The following ADCY2 variants were observed in gnomAD, a reference collection of about 807,000 sequenced individuals.
ADCY2 encodes the protein adenylate cyclase type 2.
A neutral mutation model predicts 125.2 loss-of-function variants in ADCY2; 31 were observed. The ratio of observed to expected loss-of-function variants is 0.25; its 90% CI spans 0.19 to 0.33. The LOEUF (loss-of-function observed/expected upper bound fraction) is 0.33. ADCY2 is among the 10% of genes least tolerant of loss of function. The pLI is 1.00. For missense variants in ADCY2, 904 were observed against 1,418.2 expected (o/e 0.64, Z 5.82); for synonymous variants, 512 against 548.4 (o/e 0.93, Z 0.93).
chr5:7,413,966 T>A (rs1006476824), intron 1 of ADCY2, among the ~76,000 whole-genome samples: 1 of 152,228 alleles, frequency 6.6e-6, no homozygotes, highest in South Asian at 2.1e-4. Flanking sequence ...GTTATTTTAT[T>A]TTCTCCATCT....
In ADCY2 at chr5:7,820,808, A is replaced by G. The variant is rs1306426589; in HGVS notation, c.3123+119A>G. On this transcript the variant is annotated intron_variant, in intron 24 of 24. Transcript: ENST00000338316. ...ACAAAGGAAAAAAGTAAACCTTGAA[A>G]TTTACTTATCTTTTGGAGAACAATT... The G allele has an allele frequency of 3.1e-6, 4 of 1,275,902 alleles. No homozygotes were observed. In the Admixed American group the frequency reaches 9.1e-5, roughly 29 times the overall value. 79.0% of individuals were successfully genotyped at this position (1,275,902 alleles called of 1,614,324 possible).
chr5:7,754,385 T>C (rs1742920560), intron 15 of ADCY2, among the ~76,000 whole-genome samples: 2 of 152,222 alleles, frequency 1.3e-5, no homozygotes, highest in African/African-American at 4.8e-5. Flanking sequence ...TAGCTAGATG[T>C]ACATTTTCCC....
chr5:7,774,398 A>G (rs1743651590), intron 18 of ADCY2, among the ~76,000 whole-genome samples: 2 of 152,358 alleles, frequency 1.3e-5, no homozygotes, highest in South Asian at 4.1e-4. Context: ...CTATTGCTCT[A>G]CTATATCCAG....
At chr5:7,562,158 G>A (rs1397986868) in intron 3 of ADCY2, among the ~76,000 whole-genome samples, 1 of 151,892 alleles carries the variant, frequency 6.6e-6, no homozygotes, top group East Asian at 1.9e-4. Context: ...AATATTTGGC[G>A]CTTCTAACAA....
At chr5:7,474,909 C>T (rs943674374) in intron 2 of ADCY2, among the ~76,000 whole-genome samples, 2 of 152,248 alleles carry the variant, frequency 1.3e-5, no homozygotes, top group African/African-American at 4.8e-5. Context: ...ATGCAGCCCC[C>T]AGGCCAGCCA....
intron 14 of ADCY2, among the ~76,000 whole-genome samples, chr5:7,728,480 C>T (rs1742001340): frequency 6.6e-6 from 1 of 152,172 alleles, no homozygotes; most frequent in Non-Finnish European, 1.5e-5. Flanking sequence ...CAAAGGAGCC[C>T]TTCTTCAGGA....
At chr5:7,663,493 T>C (rs1185083541) in intron 4 of ADCY2, among the ~76,000 whole-genome samples, 2 of 152,248 alleles carry the variant, frequency 1.3e-5, no homozygotes, top group African/African-American at 4.8e-5. Context: ...GACTGTGCAC[T>C]GTAACTGAGA....
At chr5:7,524,614 T>C (rs1039714149) in intron 3 of ADCY2, among the ~76,000 whole-genome samples, 1 of 152,238 alleles carries the variant, frequency 6.6e-6, no homozygotes, top group Non-Finnish European at 1.5e-5. Flanking sequence ...CCTAACACTT[T>C]TGAAGATTGC....
At chr5:7,423,608 A>G (rs1446366731) in intron 2 of ADCY2, among the ~76,000 whole-genome samples, 1 of 152,186 alleles carries the variant, frequency 6.6e-6, no homozygotes, top group Non-Finnish European at 1.5e-5. Context: ...CTTTCCAGCC[A>G]TGTGGAACTG....
chr5:7,481,469 G>C (rs1323653217), intron 2 of ADCY2, among the ~76,000 whole-genome samples: 2 of 151,870 alleles, frequency 1.3e-5, no homozygotes, highest in Admixed American at 6.6e-5. Flanking sequence ...GGGTTTCACT[G>C]TGTTAGTCAG....
At chr5:7,818,334 T>A (rs1358367327) in intron 23 of ADCY2, among the ~76,000 whole-genome samples, 1 of 151,274 alleles carries the variant, frequency 6.6e-6, no homozygotes, top group African/African-American at 2.5e-5. Context: ...TGTTTAATCA[T>A]ATTTTTCTTT....
chr5:7,425,814 G>A (rs1344536536), intron 2 of ADCY2, among the ~76,000 whole-genome samples: 1 of 152,092 alleles, frequency 6.6e-6, no homozygotes, highest in Non-Finnish European at 1.5e-5. Flanking sequence ...ATACTATCAT[G>A]GTATTTTTTT....
intron 19 of ADCY2, among the ~76,000 whole-genome samples, chr5:7,786,742 A>G (rs1404193971): frequency 1.3e-5 from 2 of 152,180 alleles, no homozygotes; most frequent in South Asian, 4.1e-4. Flanking sequence ...CATTTATACT[A>G]TAAAACCAGG....
chr5:7,751,506 C>T (rs1442622722), intron 15 of ADCY2, among the ~76,000 whole-genome samples: 1 of 152,074 alleles, frequency 6.6e-6, no homozygotes, highest in Non-Finnish European at 1.5e-5. Context: ...TGCCATAGCC[C>T]CAAGGATTTT....
chr5:7,691,814 C>A, intron 5 of ADCY2: 1 of 156,272 alleles, frequency 6.4e-6, no homozygotes, highest in South Asian at 1.9e-4. Context: ...TTAATTGACT[C>A]ACAGTTCTGC....
At chr5:7,763,587 C>T (rs1743300117) in intron 16 of ADCY2, among the ~76,000 whole-genome samples, 1 of 152,180 alleles carries the variant, frequency 6.6e-6, no homozygotes, top group African/African-American at 2.4e-5. Flanking sequence ...TCCTCCCTCT[C>T]CCCAGCCCCA....
chr5:7,400,381 G>A (rs563915209), intron 1 of ADCY2, among the ~76,000 whole-genome samples: 20 of 152,240 alleles, frequency 1.3e-4, no homozygotes, highest in African/African-American at 4.8e-4. Flanking sequence ...ATAACCAGAG[G>A]TATTTTTATG....
intron 2 of ADCY2, among the ~76,000 whole-genome samples, chr5:7,431,213 A>G (rs1740587442): frequency 6.6e-6 from 1 of 152,230 alleles, no homozygotes; most frequent in Non-Finnish European, 1.5e-5. Context: ...CCAATGGGAT[A>G]CACTAGACTA....
intron 4 of ADCY2, among the ~76,000 whole-genome samples, chr5:7,666,279 T>C (rs1011283572): frequency 6.6e-6 from 1 of 151,938 alleles, no homozygotes; most frequent in Non-Finnish European, 1.5e-5. Context: ...CATTTATTTG[T>C]GCTCCTGTTA....
Sources: gnomAD v4.1 joint callset for allele counts (sites outside exome capture counted in the v4.1 genomes callset) on GRCh38, gnomAD v4.1.1 for gene constraint, MANE v1.5 for transcripts, NCBI Gene and HGNC (gene_info 2026-07-23, HGNC 2026-07-21) for gene names.